Variants in CTNNA3 observed in about 807,000 individuals in gnomAD.
CTNNA3 encodes the protein catenin alpha-3.
Under a neutral mutation model 95.7 loss-of-function variants are expected in CTNNA3, and 76 were observed. The observed-to-expected ratio is 0.79, with a 90% CI of 0.66 to 0.96. CTNNA3 has a LOEUF of 0.96. Among genes scored for constraint, CTNNA3 ranks in the 40% least tolerant of loss-of-function variants. CTNNA3 has a pLI of 0.00. For synonymous variants in CTNNA3, 431 were observed against 374.4 expected, an observed-to-expected ratio of 1.15 and a Z score of -1.74; for missense variants, 1,191 against 1,089.8, an observed-to-expected ratio of 1.09 and a Z score of -1.31.
chr10:66,215,027 T>G (rs2088428532), intron 13 of CTNNA3, among the ~76,000 whole-genome samples: 1 of 151,898 alleles, frequency 6.6e-6, no homozygotes, highest in South Asian at 2.1e-4. Flanking sequence ...ATGCAGAAAT[T>G]TCTGTTATTG....
At chr10:67,483,318 A>G (rs28817316) in intron 5 of CTNNA3, among the ~76,000 whole-genome samples, 3,779 of 122,750 alleles carry the variant, frequency 0.031, 596 homozygotes, top group African/African-American at 0.12. Flanking sequence ...ACATGCACAC[A>G]TATGTTTATT....
chr10:66,770,244 GT>G (rs1840034262), intron 8 of CTNNA3, among the ~76,000 whole-genome samples: 1 of 152,156 alleles, frequency 6.6e-6, no homozygotes, highest in African/African-American at 2.4e-5. Context: ...ATATGGAATT[GT>G]TTTCATTAAA....
chr10:66,905,949 C>G (rs913831210), intron 7 of CTNNA3, among the ~76,000 whole-genome samples: 5 of 152,044 alleles, frequency 3.3e-5, no homozygotes, highest in Non-Finnish European at 4.4e-5. Context: ...GTTTTGTGCA[C>G]TTAAAATTTT....
chr10:66,931,060 C>T lies in CTNNA3; in HGVS notation c.1048-155536G>A, dbSNP rs2140383. Reference sequence around the variant, plus strand: ...CCTCACCTCCATCCCATGGTACTTTCTGGACTACATATCATAAATCTATTT... The same window carrying T: ...CCTCACCTCCATCCCATGGTACTTTTTGGACTACATATCATAAATCTATTT... On this transcript the variant is annotated intron_variant, in intron 7 of 17. Coordinates refer to ENST00000433211, the MANE Select transcript of CTNNA3 (RefSeq NM_013266.4). Among the ~76,000 whole-genome samples, 303 of 152,206 alleles carry T rather than the reference C, an allele frequency of 2.0e-3. 1 individual carries two copies. Among genetic ancestry groups the T allele is most frequent in the Non-Finnish European group, 3.7e-3 (251 of 67,996 alleles).
At chr10:66,982,609 A>T (rs1306236194) in intron 7 of CTNNA3, among the ~76,000 whole-genome samples, 1 of 152,226 alleles carries the variant, frequency 6.6e-6, no homozygotes, top group Non-Finnish European at 1.5e-5. Context: ...GAAATTAGAC[A>T]AAGACAATTG....
chr10:67,067,791 C>T (rs115885473), intron 7 of CTNNA3, among the ~76,000 whole-genome samples: 1 of 152,158 alleles, frequency 6.6e-6, no homozygotes, highest in East Asian at 1.9e-4. Context: ...TCTGGGCACA[C>T]TATGTGCTGG....
intron 10 of CTNNA3, among the ~76,000 whole-genome samples, chr10:66,619,991 G>A (rs982519515): frequency 6.6e-6 from 1 of 152,000 alleles, no homozygotes; most frequent in Admixed American, 6.6e-5. Flanking sequence ...AATATATGAT[G>A]GTGGCCCAAA....
chr10:65,995,960 G>A lies in CTNNA3; in HGVS notation c.2160-7163C>T, dbSNP rs148771161. On this transcript the variant is annotated intron_variant, in intron 15 of 17. Coordinates refer to ENST00000433211, the MANE Select transcript of CTNNA3 (RefSeq NM_013266.4). ...GTGCACACAGGTACAGGCTGTGATCGGCAGGCCAGGGTGAAACCTAGGCTC... is the reference window on the plus strand; with the variant it reads ...GTGCACACAGGTACAGGCTGTGATCAGCAGGCCAGGGTGAAACCTAGGCTC... Among the ~76,000 whole-genome samples the A allele has an allele frequency of 5.1e-3, 780 of 152,244 alleles. 3 individuals are homozygous for A. Among genetic ancestry groups the A allele is most frequent in the Non-Finnish European group, 7.1e-3 (485 of 68,010 alleles).
chr10:66,980,042 C>T (rs1292091254), intron 7 of CTNNA3, among the ~76,000 whole-genome samples: 1 of 152,038 alleles, frequency 6.6e-6, no homozygotes, highest in Non-Finnish European at 1.5e-5. Context: ...CACTTTTTTC[C>T]CTAAAATGTT....
chr10:66,232,357 A>T (rs2089629176), intron 13 of CTNNA3, among the ~76,000 whole-genome samples: 1 of 152,202 alleles, frequency 6.6e-6, no homozygotes, highest in Non-Finnish European at 1.5e-5. Context: ...AATGCAATGT[A>T]CATAAAAATC....
Position 65,914,148 on chromosome 10 carries a change from A to G in CTNNA3, c.*6182T>C, listed in dbSNP as rs1030844073. 6.6e-6 allele frequency: 1 copy of G among 152,202 alleles called. No individual in the cohort carries two copies. The highest frequency in any genetic ancestry group is 1.5e-5 in the Non-Finnish European group (1 of 68,032). 9.4% of individuals were successfully genotyped at this position (152,202 alleles called of 1,614,324 possible). A position where few individuals can be genotyped will look rare whatever the true frequency, so the allele number is the denominator to read the frequency against. On this transcript the variant is annotated 3_prime_UTR_variant, in exon 18 of 18. Transcript: ENST00000433211. Reference sequence around the variant, plus strand: ...TGCTAATATTAAGTAGCTTTTGTACATGTTCTAAATTGAAGAAACATTTAG... The same window carrying G: ...TGCTAATATTAAGTAGCTTTTGTACGTGTTCTAAATTGAAGAAACATTTAG...
intron 13 of CTNNA3, among the ~76,000 whole-genome samples, chr10:66,209,815 T>G (rs746997476): frequency 3.3e-5 from 5 of 152,182 alleles, no homozygotes; most frequent in Non-Finnish European, 2.9e-5. Context: ...TTTCTCACAT[T>G]AGGTTAAAAC....
At chr10:66,643,788 T>C (rs1845598014) in intron 9 of CTNNA3, among the ~76,000 whole-genome samples, 1 of 152,220 alleles carries the variant, frequency 6.6e-6, no homozygotes, top group African/African-American at 2.4e-5. Flanking sequence ...ACATATCCCT[T>C]CTCTTCATTC....
chr10:66,383,718 G>A (rs1003760514), intron 11 of CTNNA3, among the ~76,000 whole-genome samples: 4 of 152,306 alleles, frequency 2.6e-5, no homozygotes, highest in East Asian at 1.9e-4. Flanking sequence ...TACCCACAAA[G>A]GGAAGCCCAT....
intron 16 of CTNNA3, among the ~76,000 whole-genome samples, chr10:65,980,509 A>G (rs1245141983): frequency 2.0e-5 from 3 of 150,944 alleles, no homozygotes; most frequent in Non-Finnish European, 4.4e-5. Flanking sequence ...TAGTAACAAA[A>G]CCAGGGAAGG....
At chr10:66,337,720 G>A (rs183352678) in intron 12 of CTNNA3, among the ~76,000 whole-genome samples, 1 of 152,194 alleles carries the variant, frequency 6.6e-6, no homozygotes, top group African/African-American at 2.4e-5. Flanking sequence ...AGCCACTAAG[G>A]TGGTCATAAT....
At chr10:66,143,768 T>C (rs1300839957) in intron 13 of CTNNA3, among the ~76,000 whole-genome samples, 1 of 152,180 alleles carries the variant, frequency 6.6e-6, no homozygotes, top group Non-Finnish European at 1.5e-5. Context: ...GACCAGTTAT[T>C]TCCACTTATT....
intron 7 of CTNNA3, among the ~76,000 whole-genome samples, chr10:66,783,854 CCA>C (rs1840636567): frequency 1.3e-5 from 2 of 152,122 alleles, no homozygotes; most frequent in Admixed American, 1.3e-4. Context: ...TGCCATTCCT[CCA>C]GTTTCTTAAG....
intron 12 of CTNNA3, among the ~76,000 whole-genome samples, chr10:66,339,984 C>T (rs1358543587): frequency 2.0e-5 from 3 of 151,672 alleles, no homozygotes; most frequent in Non-Finnish European, 3.0e-5. Flanking sequence ...GCAGACATCC[C>T]TCATGCATGA....
Sources: allele counts gnomAD v4.1 joint callset (sites outside exome capture counted in the v4.1 genomes callset), GRCh38; gene constraint gnomAD v4.1.1; transcripts MANE v1.5; gene names NCBI Gene and HGNC (gene_info 2026-07-23, HGNC 2026-07-21).